Variants in TENT4B observed in about 807,000 individuals in gnomAD.
TENT4B encodes PAP associated domain containing 5.
TENT4B carries 10 observed loss-of-function variants against 75.0 expected under a neutral mutation model. That is an observed-to-expected ratio of 0.13 (90% CI 0.08 to 0.23). The LOEUF is 0.23. Ranked by LOEUF, TENT4B falls within the 10% of genes least tolerant of loss-of-function variation. The probability of loss-of-function intolerance (pLI) is 1.00; values close to 1 mark genes in which losing one functional copy is unlikely to be tolerated. For synonymous variants in TENT4B, 350 were observed against 357.7 expected (o/e 0.98, Z 0.24); for missense variants, 579 against 893.8 (o/e 0.65, Z 4.49).
At chr16:50,169,951 C>G (rs1054427456) in intron 1 of TENT4B, among the ~76,000 whole-genome samples, 3 of 152,192 alleles carry the variant, frequency 2.0e-5, no homozygotes, top group Non-Finnish European at 4.4e-5. Context: ...AACTTCTGCT[C>G]AGTAGACAAA....
intron 1 of TENT4B, among the ~76,000 whole-genome samples, chr16:50,199,055 C>G (rs1034779739): frequency 6.6e-6 from 1 of 152,240 alleles, no homozygotes; most frequent in Non-Finnish European, 1.5e-5. Flanking sequence ...TCCATTCTCT[C>G]CTGTTGCTAA....
At chr16:50,155,891 A>G (rs1389218899) in intron 1 of TENT4B, among the ~76,000 whole-genome samples, 1 of 152,134 alleles carries the variant, frequency 6.6e-6, no homozygotes, top group Non-Finnish European at 1.5e-5. Context: ...CCTTAATTGC[A>G]TTTTACTGAA....
chr16:50,209,625 A>C (rs189875363), intron 1 of TENT4B, among the ~76,000 whole-genome samples: 1 of 152,312 alleles, frequency 6.6e-6, no homozygotes, highest in East Asian at 1.9e-4. Flanking sequence ...CCTCTACGAA[A>C]GGCCCAGGTT....
At chr16:50,168,694 G>A (rs973636144) in intron 1 of TENT4B, among the ~76,000 whole-genome samples, 10 of 151,838 alleles carry the variant, frequency 6.6e-5, no homozygotes, top group African/African-American at 2.2e-4. Flanking sequence ...CACCCAGGCT[G>A]GAATGCTGTG....
chr16:50,216,282 C>G (rs1200586525), intron 4 of TENT4B, 87 bp downstream of exon 4: 1 of 1,482,858 alleles, frequency 6.7e-7, no homozygotes, highest in Non-Finnish European at 9.2e-7. Flanking sequence ...AGCACAGTTG[C>G]ATTGCAAGTG....
chr16:50,233,061 C>CA lies in TENT4B; in HGVS notation c.*3736dup, dbSNP rs1207692046. ...TTCAGTTATTGGAAAGGCACATTCT[C>CA]AAAGTATTTTATGAGCAAAATATTC... On this transcript the variant is annotated 3_prime_UTR_variant, in exon 12 of 12. Coordinates refer to ENST00000561678, the MANE Select transcript of TENT4B (RefSeq NM_001365324.3). The CA allele has an allele frequency of 1.0e-6, 1 of 984,804 alleles. No individual in the cohort carries two copies. Among genetic ancestry groups the CA allele is most frequent in the Non-Finnish European group, 1.2e-6 (1 of 829,502 alleles). The allele number at this position is 984,804 out of a possible 1,614,324, so 61.0% of individuals were successfully genotyped here.
chr16:50,198,497 G>C (rs2030426188), intron 1 of TENT4B, among the ~76,000 whole-genome samples: 1 of 151,036 alleles, frequency 6.6e-6, no homozygotes, highest in Non-Finnish European at 1.5e-5. Context: ...AAATCCCTAA[G>C]ATAATTTAGA....
At position 50,231,393 on chromosome 16, in the gene TENT4B, C is replaced by T. The variant is rs2032289219; in HGVS notation, c.*2065C>T. ...AAAATAATATTAAATCCAGTATTAGCTGCCTATTTCAGACACTTAATACTT... is the reference window on the plus strand; with the variant it reads ...AAAATAATATTAAATCCAGTATTAGTTGCCTATTTCAGACACTTAATACTT... On this transcript the variant is annotated 3_prime_UTR_variant, in exon 12 of 12. Transcript: ENST00000561678. 1.0e-6 allele frequency: 1 copy of T among 982,190 alleles called. No homozygotes were observed. The highest frequency in any genetic ancestry group is 1.2e-6 in the Non-Finnish European group (1 of 826,656). The allele number at this position is 982,190 out of a possible 1,614,324, so 60.8% of individuals were successfully genotyped here. A position where few individuals can be genotyped will look rare whatever the true frequency, so the allele number is the denominator to read the frequency against.
At chr16:50,185,929 T>C (rs2038517365) in intron 1 of TENT4B, among the ~76,000 whole-genome samples, 1 of 152,194 alleles carries the variant, frequency 6.6e-6, no homozygotes, top group Non-Finnish European at 1.5e-5. Context: ...TTTTAAACAT[T>C]ACATAAATGG....
At chr16:50,216,046 A>G (rs1346035243) in intron 3 of TENT4B, 29 bp from the exon 4 acceptor site, 2 of 1,611,794 alleles carry the variant, frequency 1.2e-6, no homozygotes, top group South Asian at 2.2e-5. Flanking sequence ...ACTTCTTCCG[A>G]CCCTCTTGTA....
intron 1 of TENT4B, among the ~76,000 whole-genome samples, chr16:50,160,335 C>T (rs1410924118): frequency 1.3e-5 from 2 of 151,944 alleles, no homozygotes; most frequent in Admixed American, 1.3e-4. Context: ...TCTTTTTTAA[C>T]ACTCATAAAG....
chr16:50,209,804 G>T (rs2031183399), intron 1 of TENT4B, among the ~76,000 whole-genome samples: 1 of 152,214 alleles, frequency 6.6e-6, no homozygotes, highest in Admixed American at 6.5e-5. Flanking sequence ...TAAAAAATCA[G>T]AAGGAGGAAC....
At chr16:50,211,553 C>T in intron 2 of TENT4B, 107 bp downstream of exon 2, 1 of 1,277,558 alleles carries the variant, frequency 7.8e-7, no homozygotes, top group South Asian at 2.3e-5. Context: ...TAGAAGTGCT[C>T]TGTAGAGTTG....
At chr16:50,174,888 G>A (rs1459234850) in intron 1 of TENT4B, among the ~76,000 whole-genome samples, 2 of 151,568 alleles carry the variant, frequency 1.3e-5, no homozygotes, top group African/African-American at 4.8e-5. Flanking sequence ...GATTACAGGC[G>A]AATGCTACCA....
At chr16:50,214,156 G>A in intron 2 of TENT4B, 65 bp from the exon 3 acceptor site, 3 of 1,246,158 alleles carry the variant, frequency 2.4e-6, no homozygotes, top group South Asian at 1.3e-5. Flanking sequence ...TCCATATCTT[G>A]GTGACTCAAT....
Position 50,154,005 on chromosome 16 carries a change from G to A in TENT4B, c.384G>A (p.Ser128=). The A allele has an allele frequency of 2.0e-6, 3 of 1,533,832 alleles. No individual in the cohort carries two copies. The highest frequency in any genetic ancestry group is 2.6e-6 in the Non-Finnish European group (3 of 1,145,886). The part of the protein sequence containing the change: ...PGAWARRAGS[S]ASSPPSASSS... ...CCTGGGCCCGCCGGGCGGGCTCCTCGGCGTCCTCGCCTCCCTCGGCGTCCT... is the reference window on the plus strand; with the variant it reads ...CCTGGGCCCGCCGGGCGGGCTCCTCAGCGTCCTCGCCTCCCTCGGCGTCCT... Residue 128 remains serine, a synonymous_variant, in exon 1 of 12, where the codon TCG becomes TCA. Coordinates refer to ENST00000561678, the MANE Select transcript of TENT4B (RefSeq NM_001365324.3).
intron 1 of TENT4B, among the ~76,000 whole-genome samples, chr16:50,184,346 A>C (rs1806062770): frequency 6.6e-6 from 1 of 152,130 alleles, no homozygotes; most frequent in African/African-American, 2.4e-5. Context: ...GTTGATGGAC[A>C]TTTAGGTTGT....
At chr16:50,166,549 A>C (rs929186837) in intron 1 of TENT4B, among the ~76,000 whole-genome samples, 4 of 152,128 alleles carry the variant, frequency 2.6e-5, no homozygotes, top group Non-Finnish European at 5.9e-5. Flanking sequence ...TATCTATTCA[A>C]ATCTTTTGAC....
intron 2 of TENT4B, among the ~76,000 whole-genome samples, chr16:50,213,934 TG>T (rs2031417166): frequency 1.3e-5 from 2 of 152,218 alleles, no homozygotes; most frequent in African/African-American, 4.8e-5. Context: ...CTTCAGATTT[TG>T]GCATGGTGGG....
Sources: gnomAD v4.1 joint callset for allele counts (sites outside exome capture counted in the v4.1 genomes callset) on GRCh38, gnomAD v4.1.1 for gene constraint, MANE v1.5 for transcripts, NCBI Gene and HGNC (gene_info 2026-07-23, HGNC 2026-07-21) for gene names.